Variants in EXOC7 observed in about 807,000 individuals in gnomAD.
EXOC7 encodes exocyst complex component 7, also known as exocyst complex component Exo70.
EXOC7 carries 51 observed loss-of-function variants against 87.6 expected under a neutral mutation model. The ratio of observed to expected loss-of-function variants is 0.58; its 90% CI spans 0.46 to 0.73. EXOC7 has a LOEUF of 0.73. Among genes scored for constraint, EXOC7 ranks in the 30% least tolerant of loss-of-function variants. The pLI, the probability that EXOC7 is intolerant of heterozygous loss-of-function variation, is 0.00. For missense variants in EXOC7, 744 were observed against 888.4 expected (o/e 0.84, Z 2.07); for synonymous variants, 327 against 357.1 (o/e 0.92, Z 0.95).
At chr17:76,084,853 G>C (rs2067139899) in intron 15 of EXOC7, 2 of 526,936 alleles carry the variant, frequency 3.8e-6, no homozygotes, top group Non-Finnish European at 6.8e-6. Flanking sequence ...AACTAAGATG[G>C]AGAAACAGAT....
At position 76,088,531 on chromosome 17, in the gene EXOC7, G is replaced by A. The variant is rs1476986473; in HGVS notation, c.1232C>T (p.Pro411Leu). The A allele has an allele frequency of 1.2e-6, 2 of 1,613,908 alleles. No individual in the cohort carries two copies. Among genetic ancestry groups the A allele is most frequent in the Admixed American group, 1.7e-5 (1 of 59,990 alleles). ...GGTCTCCATGGATGTGATGAGGCCA[G>A]GCAGCTTGTTCTTTGTGCTGGCAGC... ...GTAASTKNKL[P>L]GLITSMETIG... The change falls in exon 10 of 19, where the codon CCT becomes CTT. Residue 411 changes from proline (P) to leucine (L), a missense_variant. Pro to Leu is a moderately conservative substitution (Grantham distance 98, BLOSUM62 -3). This residue lies in a region of EXOC7 where 512 missense variants were observed against 573.0 expected (regional missense o/e 0.89). Coordinates refer to ENST00000589210, the MANE Select transcript of EXOC7 (RefSeq NM_001013839.4).
intron 7 of EXOC7, 171 bp downstream of exon 7, chr17:76,090,972 C>A: frequency 1.5e-6 from 1 of 668,684 alleles, no homozygotes. Context: ...CCGAGGGCTG[C>A]GAAACTGTCC....
At position 76,082,865 on chromosome 17, in the gene EXOC7, C is replaced by T. The variant is rs2067042593; in HGVS notation, c.*783G>A. 2.4e-6 allele frequency: 1 copy of T among 422,978 alleles called. No homozygotes were observed. Among genetic ancestry groups the T allele is most frequent in the Non-Finnish European group, 4.0e-6 (1 of 246,962 alleles). The allele number at this position is 422,978 out of a possible 1,614,324, so 26.2% of individuals were successfully genotyped here. The stretch of plus-strand genomic sequence containing the variant: ...TAAATAGGTGGGGCCCTATTTTTTG[C>T]TTCCAACCCCCATTTTGCTCCTTAA... On this transcript the variant is annotated 3_prime_UTR_variant, in exon 19 of 19. Transcript: ENST00000589210.
At position 76,097,893 on chromosome 17, in the gene EXOC7, C is replaced by G; in HGVS notation, c.543G>C (p.Glu181Asp). ...LDLISGDDDL[E>D]AQEDVTLEHL... Reference sequence around the variant, plus strand: ...GCTCCAGGGTCACGTCCTCCTGGGCCTCCAGATCATCGTCACCACTGATCA... The same window carrying G: ...GCTCCAGGGTCACGTCCTCCTGGGCGTCCAGATCATCGTCACCACTGATCA... The change falls in exon 5 of 19, where the codon GAG becomes GAC. Residue 181 changes from glutamate to aspartate, a missense_variant. Around this residue, in one of 3 missense-constraint regions of EXOC7, gnomAD observed 512 missense variants for 573.0 expected, o/e 0.89. Transcript: ENST00000589210. The G allele has an allele frequency of 1.2e-6, 2 of 1,614,012 alleles. No individual in the cohort carries two copies. Among genetic ancestry groups the G allele is most frequent in the Non-Finnish European group, 8.5e-7 (1 of 1,180,010 alleles).
Position 76,082,574 on chromosome 17 carries a change from G to C in EXOC7, c.*1074C>G. ...CTGTGCACCCAATTCGTCTTTGCAGGAATCTGGATGTGGGCAGCGTGCAAG... is the reference window on the plus strand; with the variant it reads ...CTGTGCACCCAATTCGTCTTTGCAGCAATCTGGATGTGGGCAGCGTGCAAG... On this transcript the variant is annotated 3_prime_UTR_variant, in exon 19 of 19. Transcript: ENST00000589210. 6 of 1,613,726 alleles carry C rather than the reference G, an allele frequency of 3.7e-6. No homozygotes were observed. The highest frequency in any genetic ancestry group is 4.2e-6 in the Non-Finnish European group (5 of 1,179,940).
chr17:76,098,097 C>A, intron 4 of EXOC7, 79 bp from the exon 5 acceptor site: 4 of 1,288,228 alleles, frequency 3.1e-6, no homozygotes, highest in South Asian at 1.2e-5. Context: ...CCTGTGCCAG[C>A]TCTGTCTTCT....
rs1258817536 is a variant in EXOC7 at position 76,081,898 on chromosome 17, CCTG to C, written c.*1747_*1749del. The C allele has an allele frequency of 3.7e-6, 6 of 1,610,648 alleles. No individual in the cohort carries two copies. Among genetic ancestry groups the C allele is most frequent in the East Asian group, 2.2e-5 (1 of 44,798 alleles). On this transcript the variant is annotated 3_prime_UTR_variant, in exon 19 of 19. Coordinates refer to ENST00000589210, the MANE Select transcript of EXOC7 (RefSeq NM_001013839.4). ...CTCCCCCAGTTTACTACTTCACCAT[CCTG>C]CTGCTGCTGCTCTTCCTCAGCACCA...
intron 5 of EXOC7, among the ~76,000 whole-genome samples, chr17:76,095,290 CAG>C (rs1460071025): frequency 2.2e-5 from 3 of 137,726 alleles, no homozygotes; most frequent in South Asian, 4.6e-4. Context: ...TTTTTTGAGA[CAG>C]AGTTTCATTC....
chr17:76,081,798 G>A lies in EXOC7; in HGVS notation c.*1850C>T. ...ACCCAGTCTGCCCTGTTTCTCCCCG[G>A]TCACCCACTGGTGCTCAGCTCGCTG... On this transcript the variant is annotated 3_prime_UTR_variant, in exon 19 of 19. Transcript: ENST00000589210. The A allele has an allele frequency of 6.2e-7, 1 of 1,613,156 alleles. No homozygotes were observed. The highest frequency in any genetic ancestry group is 8.5e-7 in the Non-Finnish European group (1 of 1,179,402).
intron 12 of EXOC7, 78 bp from the exon 13 acceptor site, chr17:76,086,223 G>C: frequency 7.2e-7 from 1 of 1,383,804 alleles, no homozygotes; most frequent in African/African-American, 1.4e-5. Flanking sequence ...CCATGCAGCA[G>C]TCTGAGGGGA....
chr17:76,102,560 C>T (rs8081693), intron 2 of EXOC7, among the ~76,000 whole-genome samples: 16,700 of 152,018 alleles, frequency 0.11, 2,696 homozygotes, highest in African/African-American at 0.36. Flanking sequence ...GAGCTACAGT[C>T]ATGCCACTGC....
Position 76,081,663 on chromosome 17 carries a change from G to A in EXOC7, c.*1985C>T. The A allele has an allele frequency of 6.2e-7, 1 of 1,614,126 alleles. No individual in the cohort carries two copies. Among genetic ancestry groups the A allele is most frequent in the East Asian group, 2.2e-5 (1 of 44,880 alleles). ...CCCCTCCGGGCCATTGAGCGCATAGGCTACAAGGTGACATTGCTGCTGAGT... is the reference window on the plus strand; with the variant it reads ...CCCCTCCGGGCCATTGAGCGCATAGACTACAAGGTGACATTGCTGCTGAGT... On this transcript the variant is annotated 3_prime_UTR_variant, in exon 19 of 19. Coordinates refer to ENST00000589210, the MANE Select transcript of EXOC7 (RefSeq NM_001013839.4).
chr17:76,085,872 G>A lies in EXOC7; in HGVS notation c.1496-75C>T, dbSNP rs561688140. 118 of 1,569,722 alleles carry A rather than the reference G, an allele frequency of 7.5e-5. No homozygotes were observed. The African/African-American group carries it at 1.1e-3, about 14-fold the overall frequency. On this transcript the variant is annotated intron_variant, in intron 13 of 18. Transcript: ENST00000589210. Reference sequence around the variant, plus strand: ...CGACCCCACCCCAGGACCCGCGAACGCGCTCCTATCCATCGCTCCTCGTCC... The same window carrying A: ...CGACCCCACCCCAGGACCCGCGAACACGCTCCTATCCATCGCTCCTCGTCC...
chr17:76,081,539 T>C lies in EXOC7; in HGVS notation c.*2109A>G. ...GCCGGGAAGGCCCTGACTTTTCCCC[T>C]TCCAGCTGAGGCTGAAGAACACGGC... is the stretch of plus-strand genomic sequence containing the variant. On this transcript the variant is annotated 3_prime_UTR_variant, in exon 19 of 19. Transcript: ENST00000589210. 6.2e-7 allele frequency: 1 copy of C among 1,613,068 alleles called. No homozygotes were observed. The highest frequency in any genetic ancestry group is 8.5e-7 in the Non-Finnish European group (1 of 1,179,930).
At chr17:76,088,663 C>A in intron 9 of EXOC7, 101 bp from the exon 10 acceptor site, 1 of 1,594,842 alleles carries the variant, frequency 6.3e-7, no homozygotes, top group East Asian at 2.2e-5. Context: ...ACCTTCAGAG[C>A]AGAAGTGTGG....
intron 7 of EXOC7, chr17:76,090,161 G>A (rs2067409004): frequency 4.0e-6 from 3 of 746,134 alleles, no homozygotes; most frequent in African/African-American, 1.8e-5. Flanking sequence ...TCTGGAGAGA[G>A]GCAAGGAGAC....
In EXOC7 at chr17:76,082,404, TC is replaced by T; in HGVS notation, c.*1243del. 6.6e-7 allele frequency: 1 copy of T among 1,506,914 alleles called. No individual in the cohort carries two copies. The allele number at this position is 1,506,914 out of a possible 1,614,324, so 93.3% of individuals were successfully genotyped here. A position where few individuals can be genotyped will look rare whatever the true frequency, so the allele number is the denominator to read the frequency against. ...GCTGATGACCCCTGGGGTTCGCTCT[TC>T]CGCTCATGTTGAGGGGACCTTGAAG... On this transcript the variant is annotated 3_prime_UTR_variant, in exon 19 of 19. Coordinates refer to ENST00000589210, the MANE Select transcript of EXOC7 (RefSeq NM_001013839.4).
Position 76,081,639 on chromosome 17 carries a change from C to T in EXOC7, c.*2009G>A, listed in dbSNP as rs1352370687. On this transcript the variant is annotated 3_prime_UTR_variant, in exon 19 of 19. Coordinates refer to ENST00000589210, the MANE Select transcript of EXOC7 (RefSeq NM_001013839.4). ...GCTGACGTGTGCGGGGGGTTGCTGCCCCTCCGGGCCATTGAGCGCATAGGC... is the reference window on the plus strand; with the variant it reads ...GCTGACGTGTGCGGGGGGTTGCTGCTCCTCCGGGCCATTGAGCGCATAGGC... 12 of 1,613,986 alleles carry T rather than the reference C, an allele frequency of 7.4e-6. No individual in the cohort carries two copies. Among genetic ancestry groups the T allele is most frequent in the African/African-American group, 1.3e-5 (1 of 74,942 alleles).
chr17:76,103,043 A>G, intron 2 of EXOC7: 1 of 323,358 alleles, frequency 3.1e-6, no homozygotes. Context: ...TCCACTGACA[A>G]TGACATATGC....
Sources: gnomAD v4.1 joint callset for allele counts (sites outside exome capture counted in the v4.1 genomes callset) on GRCh38, gnomAD v4.1.1 for gene constraint, gnomAD v4.1.1 regional missense constraint, MANE v1.5 for transcripts, NCBI Gene and HGNC (gene_info 2026-07-23, HGNC 2026-07-21) for gene names.